FRAS1: variants seen among roughly 807,000 people sequenced by gnomAD.
The protein encoded by FRAS1 is Fraser extracellular matrix complex subunit 1.
FRAS1 carries 290 observed loss-of-function variants against 435.2 expected under a neutral mutation model. The ratio of observed to expected loss-of-function variants is 0.67; its 90% confidence interval spans 0.61 to 0.73. The LOEUF (loss-of-function observed/expected upper bound fraction) is 0.73, where lower values mean the gene tolerates loss of function less well. Among genes scored for constraint, FRAS1 ranks in the 30% least tolerant of loss-of-function variants. The probability of loss-of-function intolerance (pLI) is 0.00; values close to 1 mark genes in which losing one functional copy is unlikely to be tolerated. For synonymous variants in FRAS1, 1,800 were observed against 1,851.0 expected, an observed-to-expected ratio of 0.97 and a Z score of 0.71; for missense variants, 4,860 against 5,001.5, an observed-to-expected ratio of 0.97 and a Z score of 0.85.
intron 69 of FRAS1, among the ~76,000 whole-genome samples, chr4:78,523,926 C>A (rs1208155054): frequency 6.6e-6 from 1 of 152,166 alleles, no homozygotes; most frequent in Non-Finnish European, 1.5e-5. Context: ...ATCCCTGAAC[C>A]CACCAGCCCA....
chr4:78,473,385 G>A, intron 52 of FRAS1, 53 bp from the exon 53 acceptor site: 3 of 1,468,564 alleles, frequency 2.0e-6, no homozygotes. Context: ...GGTAATCTAT[G>A]AAGCTGTCGT....
Position 78,421,908 on chromosome 4 carries a change from T to G in FRAS1, c.4586T>G (p.Phe1529Cys), listed in dbSNP as rs1378770735. 2.5e-6 allele frequency: 4 copies of G among 1,613,762 alleles called. No individual in the cohort carries two copies. Among genetic ancestry groups the G allele is most frequent in the Non-Finnish European group, 2.5e-6 (3 of 1,179,844 alleles). Residue 1529 changes from phenylalanine to cysteine, a missense_variant, in exon 34 of 74, where the codon TTC (phenylalanine) becomes TGC (cysteine). Phe to Cys is a radical substitution (Grantham distance 205, BLOSUM62 -2). Transcript: ENST00000512123. ...RDHPHSPIRYFTQEDINQGKV... is the reference protein window; with the variant it reads ...RDHPHSPIRYCTQEDINQGKV... ...CACCCTCACTCTCCTATCCGGTATT[T>G]CACGCAAGAGGATATTAACCAGGGC...
chr4:78,452,249 A>G lies in FRAS1; in HGVS notation c.6658A>G (p.Thr2220Ala). 1 of 1,613,782 alleles carries G rather than the reference A, an allele frequency of 6.2e-7. No individual in the cohort carries two copies. Among genetic ancestry groups the G allele is most frequent in the South Asian group, 1.1e-5 (1 of 91,070 alleles). ...TGAAAACTCAGTGAAGAAAATCACCACCCTGCAGCTGTCTGCCACTGACCA... is the reference window on the plus strand; with the variant it reads ...TGAAAACTCAGTGAAGAAAATCACCGCCCTGCAGCTGTCTGCCACTGACCA... ...LDENSVKKIT[T>A]LQLSATDQDS... Residue 2220 changes from threonine (T) to alanine (A), a missense_variant, in exon 47 of 74, where the codon ACC becomes GCC. By Grantham distance (58) the Thr-to-Ala change is moderately conservative. Coordinates refer to ENST00000512123, the MANE Select transcript of FRAS1 (RefSeq NM_025074.7).
intron 59 of FRAS1, among the ~76,000 whole-genome samples, chr4:78,494,745 C>T (rs1720464003): frequency 6.6e-6 from 1 of 152,190 alleles, no homozygotes; most frequent in Admixed American, 6.5e-5. Flanking sequence ...CAGTGAAGAA[C>T]TTCAGTGATC....
At chr4:78,116,960 G>C (rs1446981508) in intron 2 of FRAS1, among the ~76,000 whole-genome samples, 1 of 152,170 alleles carries the variant, frequency 6.6e-6, no homozygotes, top group East Asian at 1.9e-4. Flanking sequence ...TTTTTGCAGT[G>C]GGTCTTACCA....
chr4:78,253,283 G>T (rs1224741546), intron 5 of FRAS1, among the ~76,000 whole-genome samples: 1 of 152,112 alleles, frequency 6.6e-6, no homozygotes, highest in Non-Finnish European at 1.5e-5. Context: ...CTTATTCCCT[G>T]ATTATCTTCC....
intron 50 of FRAS1, among the ~76,000 whole-genome samples, chr4:78,469,126 A>G (rs1432234991): frequency 1.3e-5 from 2 of 152,254 alleles, no homozygotes; most frequent in Non-Finnish European, 2.9e-5. Flanking sequence ...AAAAGATTTC[A>G]GGATATATCA....
intron 64 of FRAS1, 83 bp from the exon 65 acceptor site, chr4:78,513,309 A>G (rs1721097533): frequency 2.8e-6 from 4 of 1,403,988 alleles, no homozygotes; most frequent in Non-Finnish European, 4.0e-6. Context: ...GGTGAAGACA[A>G]ATTAGGTGAT....
intron 38 of FRAS1, among the ~76,000 whole-genome samples, chr4:78,436,058 C>T (rs2109819818): frequency 6.6e-6 from 1 of 152,110 alleles, no homozygotes; most frequent in South Asian, 2.1e-4. Flanking sequence ...AATTTGTGCT[C>T]ATCAAAACAC....
At chr4:78,186,909 T>C (rs1722294881) in intron 2 of FRAS1, among the ~76,000 whole-genome samples, 1 of 152,264 alleles carries the variant, frequency 6.6e-6, no homozygotes, top group Non-Finnish European at 1.5e-5. Flanking sequence ...ACATGTATTA[T>C]AGTAATATAT....
At chr4:78,281,479 T>A (rs746581419) in intron 11 of FRAS1, 46 bp downstream of exon 11, 1 of 1,284,946 alleles carries the variant, frequency 7.8e-7, no homozygotes. Context: ...ATAAAATTGT[T>A]TTATGTAATG....
intron 2 of FRAS1, among the ~76,000 whole-genome samples, chr4:78,209,409 T>C (rs1008986936): frequency 6.6e-6 from 1 of 152,114 alleles, no homozygotes; most frequent in Non-Finnish European, 1.5e-5. Flanking sequence ...GGCAGGAGAA[T>C]GAGGTAGGGA....
chr4:78,122,549 C>T (rs1327232316), intron 2 of FRAS1, among the ~76,000 whole-genome samples: 1 of 152,024 alleles, frequency 6.6e-6, no homozygotes, highest in African/African-American at 2.4e-5. Flanking sequence ...GAGGAATTGC[C>T]ACATTGTCTT....
intron 19 of FRAS1, among the ~76,000 whole-genome samples, chr4:78,334,363 CTTTTTT>C (rs1007481617): frequency 5.4e-5 from 5 of 92,270 alleles, no homozygotes; most frequent in Non-Finnish European, 8.4e-5. Context: ...AACCAATTTT[CTTTTTT>C]TTTTTTTTTT....
chr4:78,085,537 A>G (rs1741102216), intron 2 of FRAS1, among the ~76,000 whole-genome samples: 1 of 152,122 alleles, frequency 6.6e-6, no homozygotes. Flanking sequence ...AATATCTGGA[A>G]GATCTTTTCC....
chr4:78,238,254 TA>T (rs1724845690), intron 3 of FRAS1, among the ~76,000 whole-genome samples: 1 of 151,538 alleles, frequency 6.6e-6, no homozygotes, highest in Non-Finnish European at 1.5e-5. Context: ...TCCCTTCTGT[TA>T]AAAATTTTCA....
In FRAS1 at chr4:78,150,732, C is replaced by G. The variant is rs184159860; in HGVS notation, c.108+84716C>G. On this transcript the variant is annotated intron_variant, in intron 2 of 73. Transcript: ENST00000512123. ...AAGACAGCAAGTCTTTATACAAATTCCAAAGCCTGTGAGATTGATTGCTTT... is the reference window on the plus strand; with the variant it reads ...AAGACAGCAAGTCTTTATACAAATTGCAAAGCCTGTGAGATTGATTGCTTT... Among the ~76,000 whole-genome samples, 375 of 152,264 alleles carry G rather than the reference C, an allele frequency of 2.5e-3. 3 individuals carry two copies. Among genetic ancestry groups the G allele is most frequent in the African/African-American group, 8.4e-3 (349 of 41,568 alleles).
intron 2 of FRAS1, among the ~76,000 whole-genome samples, chr4:78,075,951 T>A (rs953730115): frequency 6.6e-6 from 1 of 152,162 alleles, no homozygotes; most frequent in Non-Finnish European, 1.5e-5. Context: ...ACATAGGGCC[T>A]GGAATAAGGC....
At chr4:78,442,498 G>A (rs1734698245) in intron 41 of FRAS1, among the ~76,000 whole-genome samples, 1 of 152,218 alleles carries the variant, frequency 6.6e-6, no homozygotes, top group Non-Finnish European at 1.5e-5. Context: ...AGGGAAAGTG[G>A]CCTTTCTTGC....
Sources: gnomAD v4.1 joint callset for allele counts (sites outside exome capture counted in the v4.1 genomes callset) on GRCh38, gnomAD v4.1.1 for gene constraint, MANE v1.5 for transcripts, NCBI Gene and HGNC (gene_info 2026-07-23, HGNC 2026-07-21) for gene names.